EXOC6B: variants seen among roughly 807,000 people sequenced by gnomAD.
EXOC6B encodes SEC15 homolog B.
A neutral mutation model predicts 113.5 loss-of-function variants in EXOC6B; 54 were observed. The observed-to-expected ratio is 0.48, with a 90% CI of 0.38 to 0.60. The LOEUF is 0.60. Ranked by LOEUF, EXOC6B falls within the 20% of genes least tolerant of loss-of-function variation. The pLI, the probability that EXOC6B is intolerant of heterozygous loss-of-function variation, is 0.00. For missense variants in EXOC6B, 797 were observed against 977.5 expected (o/e 0.82, Z 2.46); for synonymous variants, 357 against 339.0 (o/e 1.05, Z -0.58).
At chr2:72,562,190 ATC>A (rs1224794334) in intron 7 of EXOC6B, among the ~76,000 whole-genome samples, 1 of 152,098 alleles carries the variant, frequency 6.6e-6, no homozygotes, top group Non-Finnish European at 1.5e-5. Context: ...ATGAAAAAAA[ATC>A]ACAACTACAG....
chr2:72,562,928 A>G (rs1403297223), intron 7 of EXOC6B, among the ~76,000 whole-genome samples: 1 of 152,120 alleles, frequency 6.6e-6, no homozygotes, highest in Non-Finnish European at 1.5e-5. Flanking sequence ...TGTTTTCCTT[A>G]AGAATTCACG....
intron 18 of EXOC6B, among the ~76,000 whole-genome samples, chr2:72,453,806 G>A (rs781661466): frequency 2.6e-5 from 4 of 152,120 alleles, no homozygotes; most frequent in Non-Finnish European, 5.9e-5. Context: ...TCTTTTAAAC[G>A]TATTGTATTA....
At chr2:72,739,288 A>G (rs996778503) in intron 2 of EXOC6B, among the ~76,000 whole-genome samples, 2 of 152,102 alleles carry the variant, frequency 1.3e-5, no homozygotes, top group African/African-American at 4.8e-5. Context: ...TTGACACCTT[A>G]TTGTTTAAAT....
chr2:72,374,962 A>T (rs1691264296), intron 19 of EXOC6B, among the ~76,000 whole-genome samples: 1 of 151,910 alleles, frequency 6.6e-6, no homozygotes, highest in African/African-American at 2.4e-5. Context: ...ATTAAAAGAG[A>T]AAGATAGAAA....
In EXOC6B at chr2:72,707,049, T is replaced by G. The variant is rs527567040; in HGVS notation, c.669+11054A>C. On this transcript the variant is annotated intron_variant, in intron 6 of 21. Transcript: ENST00000272427. ...GGGGCCCCCTTCCAGCTCTCAAGCC[T>G]AAGCCCGTCTCAGCCTTAAAATCAT... Among the ~76,000 whole-genome samples the G allele has an allele frequency of 3.8e-4, 58 of 152,294 alleles. No individual in the cohort carries two copies. The Middle Eastern group carries it at 0.024, about 63-fold the overall frequency.
At chr2:72,229,547 G>C (rs190687535) in intron 20 of EXOC6B, among the ~76,000 whole-genome samples, 1 of 152,286 alleles carries the variant, frequency 6.6e-6, no homozygotes, top group East Asian at 1.9e-4. Context: ...GAGGGAGACA[G>C]GCAGGGAGCT....
At chr2:72,412,379 G>A (rs1279009668) in intron 18 of EXOC6B, among the ~76,000 whole-genome samples, 1 of 152,164 alleles carries the variant, frequency 6.6e-6, no homozygotes, top group Non-Finnish European at 1.5e-5. Flanking sequence ...TGAGAACACT[G>A]CTCTAGGTAA....
At chr2:72,464,996 G>C in intron 18 of EXOC6B, 164 bp downstream of exon 18, 1 of 616,340 alleles carries the variant, frequency 1.6e-6, no homozygotes, top group Non-Finnish European at 2.8e-6. Flanking sequence ...AAAAATGATG[G>C]AAGTAGCCTC....
At chr2:72,500,290 A>G (rs1700248019) in intron 11 of EXOC6B, among the ~76,000 whole-genome samples, 1 of 152,206 alleles carries the variant, frequency 6.6e-6, no homozygotes, top group Non-Finnish European at 1.5e-5. Flanking sequence ...AAAATACTTC[A>G]TATCAAAAAC....
chr2:72,294,744 A>C (rs1468509281), intron 20 of EXOC6B, among the ~76,000 whole-genome samples: 1 of 152,140 alleles, frequency 6.6e-6, no homozygotes, highest in Non-Finnish European at 1.5e-5. Context: ...AATATATATA[A>C]ATAATCTCAA....
chr2:72,362,471 A>C (rs147050399), intron 19 of EXOC6B, among the ~76,000 whole-genome samples: 22 of 152,264 alleles, frequency 1.4e-4, no homozygotes, highest in African/African-American at 4.6e-4. Flanking sequence ...AATTATAATT[A>C]ATTATAATAA....
intron 16 of EXOC6B, among the ~76,000 whole-genome samples, chr2:72,481,239 T>G (rs1388731970): frequency 1.3e-5 from 2 of 152,204 alleles, no homozygotes; most frequent in Non-Finnish European, 2.9e-5. Context: ...TAAACCTCTT[T>G]CCTTTATAAA....
At chr2:72,736,657 G>A (rs772777994) in intron 2 of EXOC6B, among the ~76,000 whole-genome samples, 6 of 152,142 alleles carry the variant, frequency 3.9e-5, no homozygotes, top group Non-Finnish European at 7.3e-5. Flanking sequence ...AAGAAGATGA[G>A]TACCAACCAA....
intron 6 of EXOC6B, among the ~76,000 whole-genome samples, chr2:72,661,591 C>T (rs11902654): frequency 0.014 from 2,068 of 151,990 alleles, 60 homozygotes; most frequent in African/African-American, 0.048. Context: ...ATAAAAACTA[C>T]GAAATGCTAA....
At chr2:72,702,860 C>A (rs1247348199) in intron 6 of EXOC6B, among the ~76,000 whole-genome samples, 10 of 148,224 alleles carry the variant, frequency 6.7e-5, no homozygotes, top group African/African-American at 2.2e-4. Context: ...AATTTTCTCC[C>A]ATTTTGTAGG....
intron 18 of EXOC6B, among the ~76,000 whole-genome samples, chr2:72,415,855 A>G (rs1297297412): frequency 6.6e-6 from 1 of 152,174 alleles, no homozygotes; most frequent in Non-Finnish European, 1.5e-5. Flanking sequence ...AAGTGCAGAG[A>G]AAACGTGATT....
At chr2:72,569,275 A>G (rs1704381290) in intron 7 of EXOC6B, among the ~76,000 whole-genome samples, 1 of 152,166 alleles carries the variant, frequency 6.6e-6, no homozygotes, top group South Asian at 2.1e-4. Flanking sequence ...TTCTCTTAAT[A>G]GACATACTTT....
At chr2:72,668,629 A>C (rs762951521) in intron 6 of EXOC6B, among the ~76,000 whole-genome samples, 13 of 152,238 alleles carry the variant, frequency 8.5e-5, no homozygotes, top group Non-Finnish European at 1.6e-4. Context: ...TCATGGACAC[A>C]GCTAAAAGCC....
chr2:72,579,112 C>T (rs975710915), intron 6 of EXOC6B, among the ~76,000 whole-genome samples: 3 of 151,968 alleles, frequency 2.0e-5, no homozygotes, highest in African/African-American at 7.2e-5. Flanking sequence ...ATAAAGGTAG[C>T]AACAGATTAC....
Sources: gnomAD v4.1 joint callset for allele counts (sites outside exome capture counted in the v4.1 genomes callset) on GRCh38, gnomAD v4.1.1 for gene constraint, MANE v1.5 for transcripts, NCBI Gene and HGNC (gene_info 2026-07-23, HGNC 2026-07-21) for gene names.